MAPK6: variants seen among roughly 807,000 people sequenced by gnomAD.
MAPK6 encodes ERK-3.
MAPK6 carries 19 observed loss-of-function variants against 59.3 expected under a neutral mutation model. The observed-to-expected ratio is 0.32, with a 90% CI of 0.22 to 0.47. The LOEUF (loss-of-function observed/expected upper bound fraction) is 0.47, where lower values mean the gene tolerates loss of function less well. Ranked by LOEUF, MAPK6 falls within the 20% of genes least tolerant of loss-of-function variation. The pLI is 1.00. For synonymous variants in MAPK6, 316 were observed against 290.3 expected (o/e 1.09, Z -0.90); for missense variants, 724 against 847.9 (o/e 0.85, Z 1.81).
chr15:52,006,172 A>G (rs1250580379), intron 3 of MAPK6, among the ~76,000 whole-genome samples: 4 of 152,212 alleles, frequency 2.6e-5, no homozygotes, highest in African/African-American at 7.2e-5. Context: ...ACTGTTTCCT[A>G]AAGTCATATA....
chr15:52,026,448 C>T (rs1397891080), intron 1 of MAPK6, among the ~76,000 whole-genome samples: 3 of 152,126 alleles, frequency 2.0e-5, no homozygotes, highest in Non-Finnish European at 2.9e-5. Context: ...TGCACCACCA[C>T]GCCCAGCTAA....
intron 1 of MAPK6, chr15:52,034,131 A>C (rs1478945202): frequency 1.3e-5 from 2 of 148,888 alleles, no homozygotes; most frequent in Admixed American, 1.3e-4. Flanking sequence ...GATTAAAGGC[A>C]TGCACCACCA....
In MAPK6 at chr15:52,050,140, T is replaced by C. The variant is rs2141095432; in HGVS notation, c.700+3T>C. The C allele has an allele frequency of 6.3e-7, 1 of 1,597,424 alleles. No individual in the cohort carries two copies. The highest frequency in any genetic ancestry group is 2.2e-5 in the East Asian group (1 of 44,644). On this transcript the variant is annotated splice_donor_region_variant and intron_variant, in intron 3 of 5. Transcript: ENST00000261845. ...GACTGGTAAAACCCTTTTTGCAGGT[T>C]AGTATTTTGTGGGGGGAAAAATTTT...
In MAPK6 at chr15:52,064,880, TCACAGTCCAG is replaced by T; in HGVS notation, c.2047_2056del (p.His683LeufsTer12). Reference sequence around the variant, plus strand: ...TCGAGTCCATAGGCATCCCACAGTTTCACAGTCCAGTTGGGTCACCACTTAAGTCAATACA... The same window carrying T: ...TCGAGTCCATAGGCATCCCACAGTTTTTGGGTCACCACTTAAGTCAATACA... On this transcript the variant is annotated frameshift_variant, in exon 6 of 6. Coordinates refer to ENST00000261845, the MANE Select transcript of MAPK6 (RefSeq NM_002748.4). LOFTEE classifies it high-confidence loss of function. 6.2e-7 allele frequency: 1 copy of T among 1,611,988 alleles called. No individual in the cohort carries two copies. The highest frequency in any genetic ancestry group is 8.5e-7 in the Non-Finnish European group (1 of 1,179,846).
Position 52,046,768 on chromosome 15 carries a change from G to C in MAPK6, c.308G>C (p.Ser103Thr). 6.2e-7 allele frequency: 1 copy of C among 1,614,084 alleles called. No homozygotes were observed. Among genetic ancestry groups the C allele is most frequent in the East Asian group, 2.2e-5 (1 of 44,888 alleles). ...DDVGSLTELN[S>T]VYIVQEYMET... Reference sequence around the variant, plus strand: ...GTGGGCTCTCTTACGGAACTGAACAGTGTTTACATTGTTCAGGAGTACATG... The same window carrying C: ...GTGGGCTCTCTTACGGAACTGAACACTGTTTACATTGTTCAGGAGTACATG... Residue 103 changes from serine to threonine, a missense_variant, in exon 2 of 6, where the codon AGT (serine) becomes ACT (threonine). Ser to Thr is a moderately conservative substitution (Grantham distance 58). Coordinates refer to ENST00000261845, the MANE Select transcript of MAPK6 (RefSeq NM_002748.4).
chr15:52,044,972 A>G (rs1300145745), intron 1 of MAPK6, among the ~76,000 whole-genome samples: 2 of 150,166 alleles, frequency 1.3e-5, no homozygotes, highest in Admixed American at 6.6e-5. Flanking sequence ...GTACTTACCA[A>G]AAAAAACTAT....
chr15:52,028,530 A>G (rs2030901408), intron 1 of MAPK6, among the ~76,000 whole-genome samples: 1 of 152,220 alleles, frequency 6.6e-6, no homozygotes, highest in African/African-American at 2.4e-5. Context: ...TGCTTTCTGC[A>G]ATGAAATGTG....
intron 1 of MAPK6, among the ~76,000 whole-genome samples, chr15:52,044,651 T>C (rs925384599): frequency 4.6e-5 from 7 of 152,030 alleles, no homozygotes; most frequent in South Asian, 2.1e-4. Context: ...TTTTTTTTTT[T>C]CCAGGCTGGC....
At chr15:51,984,195 T>G (rs1180187139) in intron 2 of MAPK6, among the ~76,000 whole-genome samples, 1 of 152,122 alleles carries the variant, frequency 6.6e-6, no homozygotes, top group African/African-American at 2.4e-5. Flanking sequence ...AAGGATTAGG[T>G]TGATGAATGT....
chr15:51,976,942 C>T lies in MAPK6; in HGVS notation c.-880+5036C>T, dbSNP rs776450950. 3.3e-5 allele frequency among the ~76,000 whole-genome samples: 5 copies of T among 151,338 alleles called. No homozygotes were observed. In the East Asian group the frequency reaches 9.7e-4, roughly 29 times the overall value. ...TGGGAGATAGAGCAAGACTCTGTCTCAAAAAAATAAATTAATAAAATAAAA... is the reference window on the plus strand; with the variant it reads ...TGGGAGATAGAGCAAGACTCTGTCTTAAAAAAATAAATTAATAAAATAAAA... On this transcript the variant is annotated intron_variant, in intron 1 of 7. Coordinates refer to the MAPK6 transcript ENST00000691380.
intron 1 of MAPK6, among the ~76,000 whole-genome samples, chr15:52,022,640 T>C (rs1940270458): frequency 6.6e-6 from 1 of 152,150 alleles, no homozygotes; most frequent in African/African-American, 2.4e-5. Context: ...CCTAGAGGTT[T>C]TTTTTTTACA....
At chr15:52,031,223 GCC>G (rs1336226897) in intron 1 of MAPK6, among the ~76,000 whole-genome samples, 2 of 152,106 alleles carry the variant, frequency 1.3e-5, no homozygotes, top group East Asian at 3.9e-4. Context: ...GTGAGCCACT[GCC>G]CCCAGCCAGA....
At chr15:51,971,865 T>G in exon 1 of MAPK6, 1 of 1,092,720 alleles carries the variant, frequency 9.2e-7, no homozygotes, top group Non-Finnish European at 1.4e-6. Flanking sequence ...TTTCCTTACG[T>G]GACCTAGTTT....
intron 1 of MAPK6, among the ~76,000 whole-genome samples, chr15:51,979,686 G>A (rs2141804814): frequency 6.6e-6 from 1 of 151,878 alleles, no homozygotes; most frequent in South Asian, 2.1e-4. Context: ...CCAGCTACTT[G>A]GAAGACTGAG....
At chr15:52,057,814 A>G (rs1212695381) in intron 3 of MAPK6, among the ~76,000 whole-genome samples, 2 of 152,166 alleles carry the variant, frequency 1.3e-5, no homozygotes, top group Non-Finnish European at 2.9e-5. Context: ...CAACAGTGCC[A>G]TCACCCTTAG....
At chr15:51,984,336 C>G (rs2057183450) in intron 2 of MAPK6, among the ~76,000 whole-genome samples, 1 of 151,698 alleles carries the variant, frequency 6.6e-6, no homozygotes, top group Non-Finnish European at 1.5e-5. Context: ...GGCTGGAGTA[C>G]AGTGACACAA....
Position 52,064,586 on chromosome 15 carries a change from A to G in MAPK6, c.1752A>G (p.Gln584=), listed in dbSNP as rs769343002. The part of the protein sequence containing the change: ...KQEKGMANLA[Q]LEALYQSSWD... ...AAAAAGGAATGGCAAATCTGGCTCAATTAGAAGCCTTGTACCAGTCTTCTT... is the reference window on the plus strand; with the variant it reads ...AAAAAGGAATGGCAAATCTGGCTCAGTTAGAAGCCTTGTACCAGTCTTCTT... The change falls in exon 6 of 6, where the codon CAA becomes CAG. Residue 584 remains glutamine (Q), a synonymous_variant. Coordinates refer to ENST00000261845, the MANE Select transcript of MAPK6 (RefSeq NM_002748.4). 4 of 1,611,766 alleles carry G rather than the reference A, an allele frequency of 2.5e-6. No homozygotes were observed. Among genetic ancestry groups the G allele is most frequent in the East Asian group, 2.2e-5 (1 of 44,902 alleles).
chr15:51,985,051 C>T (rs1011155349), intron 2 of MAPK6, among the ~76,000 whole-genome samples: 1 of 152,194 alleles, frequency 6.6e-6, no homozygotes, highest in African/African-American at 2.4e-5. Flanking sequence ...ATGCTTATAA[C>T]ATATTGCCAG....
chr15:52,039,217 T>G (rs2031336180), intron 1 of MAPK6, among the ~76,000 whole-genome samples: 1 of 152,104 alleles, frequency 6.6e-6, no homozygotes, highest in South Asian at 2.1e-4. Context: ...ACCATGTTGG[T>G]CAGGCTGGTC....
Sources: allele counts gnomAD v4.1 joint callset (sites outside exome capture counted in the v4.1 genomes callset), GRCh38; gene constraint gnomAD v4.1.1; transcripts MANE v1.5; gene names NCBI Gene and HGNC (gene_info 2026-07-23, HGNC 2026-07-21).